Variants in ZFYVE28 observed in about 807,000 individuals in gnomAD.
ZFYVE28 encodes the protein zinc finger FYVE-type containing 28.
ZFYVE28 carries 40 observed loss-of-function variants against 82.1 expected under a neutral mutation model. The ratio of observed to expected loss-of-function variants is 0.49; its 90% confidence interval spans 0.38 to 0.63. The LOEUF is 0.63. ZFYVE28 is among the 30% of genes least tolerant of loss of function. The probability of loss-of-function intolerance (pLI) is 0.00; values close to 1 mark genes in which losing one functional copy is unlikely to be tolerated. For missense variants in ZFYVE28, 1,321 were observed against 1,242.1 expected, an observed-to-expected ratio of 1.06 and a Z score of -0.96; for synonymous variants, 612 against 546.1, an observed-to-expected ratio of 1.12 and a Z score of -1.68.
intron 8 of ZFYVE28, among the ~76,000 whole-genome samples, chr4:2,303,879 G>A (rs368561719): frequency 7.2e-5 from 11 of 152,358 alleles, no homozygotes; most frequent in East Asian, 5.8e-4. Flanking sequence ...CAGTGCGCTC[G>A]GATGCGGCTC....
At chr4:2,389,338 G>A (rs1729587543) in intron 1 of ZFYVE28, among the ~76,000 whole-genome samples, 1 of 152,168 alleles carries the variant, frequency 6.6e-6, no homozygotes, top group Admixed American at 6.5e-5. Context: ...TGACATGAGA[G>A]GCCAGCCTGC....
chr4:2,291,983 C>T (rs1713787116), intron 8 of ZFYVE28, among the ~76,000 whole-genome samples: 1 of 152,166 alleles, frequency 6.6e-6, no homozygotes, highest in Non-Finnish European at 1.5e-5. Context: ...CCAGCACGTC[C>T]TCCCAGGCCT....
chr4:2,342,266 G>A (rs1012056465), intron 2 of ZFYVE28, among the ~76,000 whole-genome samples: 3 of 152,196 alleles, frequency 2.0e-5, no homozygotes, highest in Non-Finnish European at 4.4e-5. Context: ...GCACTGGAAG[G>A]GGGTGCTGCT....
intron 2 of ZFYVE28, among the ~76,000 whole-genome samples, chr4:2,349,227 C>T (rs1724002396): frequency 6.6e-6 from 1 of 151,974 alleles, no homozygotes; most frequent in Admixed American, 6.6e-5. Flanking sequence ...GATACCATAG[C>T]TATCATATGC....
chr4:2,392,475 C>T (rs745349784), intron 1 of ZFYVE28, among the ~76,000 whole-genome samples: 3 of 152,196 alleles, frequency 2.0e-5, no homozygotes, highest in Admixed American at 6.5e-5. Flanking sequence ...TGTTACATTA[C>T]GTCTTCTTTC....
At chr4:2,296,685 C>T (rs537450609) in intron 8 of ZFYVE28, among the ~76,000 whole-genome samples, 55 of 152,262 alleles carry the variant, frequency 3.6e-4, no homozygotes, top group African/African-American at 1.3e-3. Flanking sequence ...GGGGAAATGG[C>T]AGCCGTGTGA....
At position 2,332,735 on chromosome 4, in the gene ZFYVE28, C is replaced by G. The variant is rs76002807; in HGVS notation, c.701+2970G>C. Among the ~76,000 whole-genome samples, 2,851 of 152,234 alleles carry G rather than the reference C, an allele frequency of 0.019. 95 individuals are homozygous for G. The highest frequency in any genetic ancestry group is 0.066 in the African/African-American group (2,720 of 41,526). ...GACGGGATCCGCTGGTGGTGCAGGGCTGCAGGGCCCCAGTGAGCATCCCAG... is the reference window on the plus strand; with the variant it reads ...GACGGGATCCGCTGGTGGTGCAGGGGTGCAGGGCCCCAGTGAGCATCCCAG... On this transcript the variant is annotated intron_variant, in intron 6 of 12. Transcript: ENST00000290974. The surrounding 1 kb of genome is among the most constrained non-coding windows in gnomAD (Gnocchi z 4.7).
chr4:2,316,930 G>A (rs1487086674), intron 7 of ZFYVE28, among the ~76,000 whole-genome samples: 1 of 151,288 alleles, frequency 6.6e-6, no homozygotes, highest in Admixed American at 6.6e-5. Context: ...CTGACCTTGT[G>A]GTCCACCCAC....
intron 8 of ZFYVE28, among the ~76,000 whole-genome samples, chr4:2,275,008 T>C (rs1230860808): frequency 6.6e-6 from 1 of 150,692 alleles, no homozygotes; most frequent in African/African-American, 2.5e-5. Context: ...AAGAAACGAA[T>C]ACAGGATCCC....
chr4:2,376,206 GTTTC>G (rs1171794316), intron 1 of ZFYVE28, among the ~76,000 whole-genome samples: 1 of 71,432 alleles, frequency 1.4e-5, no homozygotes, highest in Non-Finnish European at 2.7e-5. Flanking sequence ...AATTTCACCT[GTTTC>G]TTTTACTTTT....
intron 2 of ZFYVE28, among the ~76,000 whole-genome samples, chr4:2,352,331 G>C (rs747085799): frequency 6.6e-6 from 1 of 152,056 alleles, no homozygotes; most frequent in Admixed American, 6.6e-5. Flanking sequence ...GCCATGTCGG[G>C]GGGTGGACAG....
At chr4:2,385,360 C>T (rs1306626570) in intron 1 of ZFYVE28, among the ~76,000 whole-genome samples, 1 of 151,516 alleles carries the variant, frequency 6.6e-6, no homozygotes, top group African/African-American at 2.4e-5. Flanking sequence ...GCTGCCCTTA[C>T]AGCCCCAGCG....
chr4:2,293,880 A>T (rs1714134231), intron 8 of ZFYVE28, among the ~76,000 whole-genome samples: 1 of 152,158 alleles, frequency 6.6e-6, no homozygotes, highest in Non-Finnish European at 1.5e-5. Context: ...AATATAGAAT[A>T]CTTGAGGATT....
In ZFYVE28 at chr4:2,375,864, T is replaced by A. The variant is rs117381776; in HGVS notation, c.40-21791A>T. ...ATATTGATTATATGTTAAAACAATA[T>A]TCTGGTCAAATAATTTTTTTTTTTT... On this transcript the variant is annotated intron_variant, in intron 1 of 12. Transcript: ENST00000290974. Among the ~76,000 whole-genome samples, 320 of 143,740 alleles carry A rather than the reference T, an allele frequency of 2.2e-3. 8 individuals are homozygous for A. In the East Asian group the frequency reaches 0.06, roughly 27 times the overall value. The allele number at this position is 143,740 out of a possible 152,430, so 94.3% of individuals were successfully genotyped here. A position where few individuals can be genotyped will look rare whatever the true frequency, so the allele number is the denominator to read the frequency against.
chr4:2,320,010 A>G lies in ZFYVE28; in HGVS notation c.803+160T>C, dbSNP rs1330097130. 6.6e-6 allele frequency among the ~76,000 whole-genome samples: 1 copy of G among 152,128 alleles called. No individual in the cohort carries two copies. The highest frequency in any genetic ancestry group is 6.5e-5 in the Admixed American group (1 of 15,284). Reference sequence around the variant, plus strand: ...CAAAAGCCAGGACTCTGTGACCCCCATGGGTCGTTTGTGACCCCTCCCTAG... The same window carrying G: ...CAAAAGCCAGGACTCTGTGACCCCCGTGGGTCGTTTGTGACCCCTCCCTAG... On this transcript the variant is annotated intron_variant, in intron 7 of 12. Coordinates refer to ENST00000290974, the MANE Select transcript of ZFYVE28 (RefSeq NM_020972.3). This position sits in a 1 kb window ranked among gnomAD's most constrained non-coding sequence, Gnocchi z 5.1.
intron 1 of ZFYVE28, among the ~76,000 whole-genome samples, chr4:2,389,536 G>A (rs1578351354): frequency 1.3e-5 from 2 of 152,216 alleles, no homozygotes; most frequent in East Asian, 1.9e-4. Context: ...AGGGACACAT[G>A]TAAGGCCAGG....
intron 2 of ZFYVE28, among the ~76,000 whole-genome samples, chr4:2,344,212 C>T (rs993532650): frequency 6.6e-6 from 1 of 152,324 alleles, no homozygotes. Context: ...ACAGAGAGAA[C>T]TCTGGAGATC....
chr4:2,330,534 G>T (rs1435449423), intron 6 of ZFYVE28: 13 of 1,159,966 alleles, frequency 1.1e-5, no homozygotes, highest in Non-Finnish European at 1.4e-5. Flanking sequence ...TGCAGAGGAA[G>T]GGACAGCATG....
At position 2,392,267 on chromosome 4, in the gene ZFYVE28, C is replaced by T. The variant is rs567930008; in HGVS notation, c.39+26018G>A. Among the ~76,000 whole-genome samples, 31 of 152,276 alleles carry T rather than the reference C, an allele frequency of 2.0e-4. No homozygotes were observed. In the East Asian group the frequency reaches 5.2e-3, roughly 26 times the overall value. ...CCTGAGGGAGAAACCATCCCCTCCA[C>T]AGCCAGCCTGGCTGGATGGCACCAT... On this transcript the variant is annotated intron_variant, in intron 1 of 12. Transcript: ENST00000290974.
Sources: allele counts gnomAD v4.1 joint callset (sites outside exome capture counted in the v4.1 genomes callset), GRCh38; gene constraint gnomAD v4.1.1; non-coding constraint Gnocchi (gnomAD v3.1); transcripts MANE v1.5; gene names NCBI Gene and HGNC (gene_info 2026-07-23, HGNC 2026-07-21).